The following LIPA variants were observed in gnomAD, a reference collection of about 807,000 sequenced individuals.
LIPA encodes lipase A, lysosomal acid type.
A neutral mutation model predicts 40.6 loss-of-function variants in LIPA; 26 were observed. That is an observed-to-expected ratio of 0.64 (90% confidence interval 0.47 to 0.89). The LOEUF (loss-of-function observed/expected upper bound fraction) is 0.89. Among genes scored for constraint, LIPA ranks in the 40% least tolerant of loss-of-function variants. The pLI is 0.00. For synonymous variants in LIPA, 188 were observed against 168.4 expected (o/e 1.12, Z -0.90); for missense variants, 455 against 479.6 (o/e 0.95, Z 0.48).
intron 3 of LIPA, among the ~76,000 whole-genome samples, chr10:89,242,015 G>A (rs914824760): frequency 3.9e-5 from 6 of 152,022 alleles, no homozygotes; most frequent in African/African-American, 1.5e-4. Flanking sequence ...AACACAGGTT[G>A]CCAAAACCAA....
In LIPA at chr10:89,320,549, C is replaced by A. The variant is rs185054041; in HGVS notation, c.-2+22062G>T. Among the ~76,000 whole-genome samples, 273 of 152,276 alleles carry A rather than the reference C, an allele frequency of 1.8e-3. 3 individuals are homozygous for A. The highest frequency in any genetic ancestry group is 6.1e-3 in the African/African-American group (252 of 41,544). ...CCTCTTCAAGCAGAACTACAAACCACTGCTCAATGAAATAAAAGAGGACAC... is the reference window on the plus strand; with the variant it reads ...CCTCTTCAAGCAGAACTACAAACCAATGCTCAATGAAATAAAAGAGGACAC... On this transcript the variant is annotated intron_variant, in intron 1 of 5. Coordinates refer to the LIPA transcript ENST00000282673.
chr10:89,332,631 AAT>A, intron 1 of LIPA: 1 of 1,613,904 alleles, frequency 6.2e-7, no homozygotes, highest in Non-Finnish European at 8.5e-7. Context: ...TCATGAGGTA[AAT>A]AGTCCCTGCT....
Position 89,245,701 on chromosome 10 carries a change from A to T in LIPA, c.204T>A (p.His68Gln). Residue 68 changes from histidine (H) to glutamine (Q), a missense_variant, in exon 3 of 10, where the codon CAT (histidine) becomes CAA (glutamine). Coordinates refer to ENST00000336233, the MANE Select transcript of LIPA (RefSeq NM_000235.4). The stretch of plus-strand genomic sequence containing the variant: ...CTTTGTCAGAATGGTTCTTCCTCCC[A>T]TGAGGAATTCGGTTAAGGCACAGAA... ...GYILCLNRIPHGRKNHSDKGP... is the reference protein window; with the variant it reads ...GYILCLNRIPQGRKNHSDKGP... 6.3e-7 allele frequency: 1 copy of T among 1,586,768 alleles called. No individual in the cohort carries two copies. The highest frequency in any genetic ancestry group is 8.7e-7 in the Non-Finnish European group (1 of 1,155,146).
chr10:89,315,177 A>G (rs942776403), intron 1 of LIPA, among the ~76,000 whole-genome samples: 1 of 152,242 alleles, frequency 6.6e-6, no homozygotes, highest in Admixed American at 6.5e-5. Context: ...GGGACCCTCT[A>G]AAGCACGGGG....
intron 5 of LIPA, among the ~76,000 whole-genome samples, chr10:89,225,720 A>C (rs1055663854): frequency 3.9e-5 from 6 of 152,148 alleles, no homozygotes; most frequent in African/African-American, 1.4e-4. Context: ...GTGTGTTCCC[A>C]CCCAAATCTC....
chr10:89,251,327 G>A (rs1352328874), intron 1 of LIPA, among the ~76,000 whole-genome samples: 1 of 152,166 alleles, frequency 6.6e-6, no homozygotes, highest in African/African-American at 2.4e-5. Context: ...TTTCGACCAC[G>A]CCGTTGGCTA....
At chr10:89,306,891 T>C in intron 1 of LIPA, 2 of 1,614,094 alleles carry the variant, frequency 1.2e-6, no homozygotes, top group Non-Finnish European at 1.7e-6. Context: ...AAAAGAAAGT[T>C]ACTGGAACTA....
intron 2 of LIPA, among the ~76,000 whole-genome samples, chr10:89,374,655 T>A (rs971696784): frequency 2.6e-5 from 4 of 152,316 alleles, no homozygotes; most frequent in African/African-American, 9.6e-5. Flanking sequence ...TCTATCCCTT[T>A]TAGAGTTGAT....
intron 1 of LIPA, among the ~76,000 whole-genome samples, chr10:89,270,743 T>C (rs1249123531): frequency 6.6e-6 from 1 of 152,190 alleles, no homozygotes; most frequent in Non-Finnish European, 1.5e-5. Context: ...CTGCTACTCA[T>C]GTTATACGAC....
At chr10:89,366,695 A>G (rs1310594173) in intron 2 of LIPA, among the ~76,000 whole-genome samples, 4 of 152,192 alleles carry the variant, frequency 2.6e-5, no homozygotes, top group East Asian at 3.8e-4. Context: ...GAGAGGATGT[A>G]GAGAAATAGG....
At chr10:89,259,305 G>A (rs1843195422) in intron 1 of LIPA, among the ~76,000 whole-genome samples, 1 of 152,028 alleles carries the variant, frequency 6.6e-6, no homozygotes, top group Non-Finnish European at 1.5e-5. Context: ...GAAGATATAT[G>A]GATGATGAAT....
chr10:89,402,914 T>C lies in LIPA; in HGVS notation c.61+9877A>G, dbSNP rs1434258144. 3 of 1,614,196 alleles carry C rather than the reference T, an allele frequency of 1.9e-6. No homozygotes were observed. The South Asian group carries it at 3.3e-5, about 18-fold the overall frequency. On this transcript the variant is annotated intron_variant, in intron 2 of 8. Coordinates refer to the LIPA transcript ENST00000371837. ...CCCTAAGGCAGGCTGTCCGCTTAAA[T>C]CCAGACAATGGATATATTAAGGTTC...
At chr10:89,328,194 C>G (rs1208119834) in intron 1 of LIPA, 1 of 1,029,052 alleles carries the variant, frequency 9.7e-7, no homozygotes, top group East Asian at 2.5e-5. Flanking sequence ...TTCAATATGT[C>G]TTTATCAGTC....
rs574859670 is a variant in LIPA, at chr10:89,412,545, G to C, written c.61+246C>G. On this transcript the variant is annotated intron_variant, in intron 2 of 8. Transcript: ENST00000371837. ...GCAACCTGCTCGGGTCTGCTTCCACGTCGTGGAAGTTTTGTTCTTTCGCTC... is the reference window on the plus strand; with the variant it reads ...GCAACCTGCTCGGGTCTGCTTCCACCTCGTGGAAGTTTTGTTCTTTCGCTC... The C allele has an allele frequency of 1.7e-3, 304 of 173,798 alleles. 2 individuals are homozygous for C. Among genetic ancestry groups the C allele is most frequent in the African/African-American group, 6.9e-3 (290 of 41,756 alleles). The allele number at this position is 173,798 out of a possible 1,614,324, so 10.8% of individuals were successfully genotyped here.
chr10:89,323,468 C>T (rs968582592), intron 1 of LIPA, among the ~76,000 whole-genome samples: 3 of 151,776 alleles, frequency 2.0e-5, no homozygotes. Context: ...TAAAAGGCAC[C>T]TAGATAGGAA....
intron 1 of LIPA, among the ~76,000 whole-genome samples, chr10:89,324,629 T>G (rs1032596569): frequency 2.2e-4 from 34 of 152,076 alleles, no homozygotes; most frequent in African/African-American, 8.2e-4. Context: ...TAACCAAAGG[T>G]CTAATATTGA....
intron 2 of LIPA, among the ~76,000 whole-genome samples, chr10:89,389,139 G>A (rs1245862992): frequency 6.6e-6 from 1 of 152,158 alleles, no homozygotes; most frequent in Non-Finnish European, 1.5e-5. Flanking sequence ...TATATAACAT[G>A]TAATTAGCAG....
intron 2 of LIPA, among the ~76,000 whole-genome samples, chr10:89,378,677 A>G (rs768374833): frequency 2.0e-5 from 3 of 152,242 alleles, no homozygotes; most frequent in African/African-American, 7.2e-5. Context: ...AATAAAGTCC[A>G]TAGAGTCAGC....
chr10:89,290,770 C>T (rs1030996905), intron 1 of LIPA, among the ~76,000 whole-genome samples: 8 of 152,206 alleles, frequency 5.3e-5, no homozygotes, highest in South Asian at 4.1e-4. Context: ...TCTTATAAAA[C>T]GGCCCCGGCC....
Sources: gnomAD v4.1 joint callset for allele counts (sites outside exome capture counted in the v4.1 genomes callset) on GRCh38, gnomAD v4.1.1 for gene constraint, MANE v1.5 for transcripts, NCBI Gene and HGNC (gene_info 2026-07-23, HGNC 2026-07-21) for gene names.